Variants in LDHAL6A observed in about 807,000 individuals in gnomAD.
LDHAL6A encodes the protein L-lactate dehydrogenase A-like 6A.
A neutral mutation model predicts 28.2 loss-of-function variants in LDHAL6A; 19 were observed. The observed-to-expected ratio is 0.67, with a 90% confidence interval of 0.47 to 0.99. The LOEUF is 0.99. LDHAL6A is among the 50% of genes least tolerant of loss of function. The pLI, the probability that LDHAL6A is intolerant of heterozygous loss-of-function variation, is 0.00. For missense variants in LDHAL6A, 372 were observed against 398.6 expected, an observed-to-expected ratio of 0.93 and a Z score of 0.57; for synonymous variants, 144 against 134.4, an observed-to-expected ratio of 1.07 and a Z score of -0.49.
chr11:18,478,624 TATTC>T, intron 6 of LDHAL6A, 78 bp from the exon 7 acceptor site: 2 of 1,111,608 alleles, frequency 1.8e-6, no homozygotes, highest in Non-Finnish European at 2.7e-6. Context: ...ACCAATCTGT[TATTC>T]ATTCACCTCC....
Position 18,478,806 on chromosome 11 carries a change from A to T in LDHAL6A, c.935A>T (p.Glu312Val). The T allele has an allele frequency of 6.2e-7, 1 of 1,613,908 alleles. No individual in the cohort carries two copies. Among genetic ancestry groups the T allele is most frequent in the Non-Finnish European group, 8.5e-7 (1 of 1,179,854 alleles). ...DLIKVKLTLEEEACLQKSAET... is the reference protein window; with the variant it reads ...DLIKVKLTLEVEACLQKSAET... ...ATAAAAGTAAAACTGACTCTTGAAG[A>T]GGAGGCCTGCTTGCAAAAGAGTGCA... Residue 312 changes from glutamate (E) to valine (V), a missense_variant, in exon 7 of 7, where the codon GAG (glutamate) becomes GTG (valine). This residue lies in a region of LDHAL6A where 291 missense variants were observed against 302.9 expected (regional missense o/e 0.96). Coordinates refer to ENST00000280706, the MANE Select transcript of LDHAL6A (RefSeq NM_144972.5).
At chr11:18,471,309 A>C (rs1849253186) in intron 3 of LDHAL6A, among the ~76,000 whole-genome samples, 1 of 150,966 alleles carries the variant, frequency 6.6e-6, no homozygotes. Context: ...TCCTGGGTTC[A>C]AGTGATTCTC....
intron 1 of LDHAL6A, among the ~76,000 whole-genome samples, chr11:18,459,050 CA>C (rs111593897): frequency 0.034 from 5,145 of 152,070 alleles, 285 homozygotes; most frequent in African/African-American, 0.12. Context: ...GTTTATACCC[CA>C]CATTACACCT....
At chr11:18,468,015 ATATATATACG>A (rs1565071630) in intron 3 of LDHAL6A, among the ~76,000 whole-genome samples, 1 of 62,966 alleles carries the variant, frequency 1.6e-5, no homozygotes, top group African/African-American at 6.8e-5. Context: ...ATATATATAC[ATATATATACG>A]TATATATATA....
intron 1 of LDHAL6A, among the ~76,000 whole-genome samples, chr11:18,462,659 AAAAAAAAC>A (rs1848954733): frequency 1.5e-5 from 2 of 137,364 alleles, no homozygotes; most frequent in African/African-American, 5.3e-5. Flanking sequence ...AACAAACAAA[AAAAAAAAC>A]AAAAAAAACC....
chr11:18,462,592 A>G (rs377424221), intron 1 of LDHAL6A, among the ~76,000 whole-genome samples: 14 of 148,818 alleles, frequency 9.4e-5, no homozygotes, highest in East Asian at 7.8e-4. Context: ...AGCCGAGATC[A>G]CGCCACTGCA....
intron 3 of LDHAL6A, chr11:18,475,233 G>C (rs759997152): frequency 2.2e-5 from 9 of 409,298 alleles, no homozygotes; most frequent in African/African-American, 4.1e-5. Flanking sequence ...TCTGTGGAGT[G>C]AACATTCTGT....
chr11:18,473,344 C>T (rs1180714595), intron 3 of LDHAL6A, among the ~76,000 whole-genome samples: 1 of 152,138 alleles, frequency 6.6e-6, no homozygotes, highest in Non-Finnish European at 1.5e-5. Context: ...CAAATAAGGA[C>T]TTTGGTCTGT....
At chr11:18,474,381 C>T (rs112513839) in intron 3 of LDHAL6A, among the ~76,000 whole-genome samples, 10,227 of 146,512 alleles carry the variant, frequency 0.07, 494 homozygotes, top group Middle Eastern at 0.17. Context: ...CTGGTGATGA[C>T]GTATGTTTCT....
Position 18,456,707 on chromosome 11 carries a change from T to G in LDHAL6A, c.27T>G (p.Ile9Met), listed in dbSNP as rs1369307208. The change falls in exon 1 of 7, where the codon ATT (isoleucine) becomes ATG (methionine). Residue 9 changes from isoleucine to methionine, a missense_variant. Around this residue, in one of 3 missense-constraint regions of LDHAL6A, gnomAD observed 77 missense variants for 77.9 expected, o/e 0.99. Coordinates refer to ENST00000280706, the MANE Select transcript of LDHAL6A (RefSeq NM_144972.5). MATIKSELIKNFAEEEAIH... is the reference protein window; with the variant it reads MATIKSELMKNFAEEEAIH... ...TGGCAACTATCAAGAGTGAACTTATTAAGAATTTCGCGGAAGAGGAGGCCA... is the reference window on the plus strand; with the variant it reads ...TGGCAACTATCAAGAGTGAACTTATGAAGAATTTCGCGGAAGAGGAGGCCA... The G allele has an allele frequency of 1.9e-6, 3 of 1,614,010 alleles. No individual in the cohort carries two copies. Among genetic ancestry groups the G allele is most frequent in the African/African-American group, 2.7e-5 (2 of 75,052 alleles).
intron 1 of LDHAL6A, among the ~76,000 whole-genome samples, chr11:18,459,222 C>G (rs1395564114): frequency 6.6e-6 from 1 of 152,160 alleles, no homozygotes; most frequent in African/African-American, 2.4e-5. Flanking sequence ...ACCATCTAAT[C>G]AGCTGCCAGC....
intron 3 of LDHAL6A, among the ~76,000 whole-genome samples, chr11:18,474,062 TTAAAG>T (rs1223243566): frequency 1.3e-5 from 2 of 152,134 alleles, no homozygotes; most frequent in African/African-American, 4.8e-5. Context: ...AAGCTTCTTC[TTAAAG>T]TATTTTTCTT....
At position 18,456,781 on chromosome 11, in the gene LDHAL6A, C is replaced by CT; in HGVS notation, c.103dup (p.Cys35LeufsTer12). 6.2e-7 allele frequency: 1 copy of CT among 1,613,484 alleles called. No homozygotes were observed. Among genetic ancestry groups the CT allele is most frequent in the Non-Finnish European group, 8.5e-7 (1 of 1,179,870 alleles). ...GTAGGAACTGGATCGGTTGGTGTGGCTTGTGCTATCAGCATCTTATTAAAA... is the reference window on the plus strand; with the variant it reads ...GTAGGAACTGGATCGGTTGGTGTGGCTTTGTGCTATCAGCATCTTATTAAAA... On this transcript the variant is annotated frameshift_variant, in exon 1 of 7. Transcript: ENST00000280706. LOFTEE classifies it high-confidence loss of function.
chr11:18,465,624 A>C lies in LDHAL6A; in HGVS notation c.245-13A>C. 1 of 1,605,714 alleles carries C rather than the reference A, an allele frequency of 6.2e-7. No homozygotes were observed. The highest frequency in any genetic ancestry group is 8.5e-7 in the Non-Finnish European group (1 of 1,175,510). ...TCTTTCATAATCGATTGTTTATTCT[A>C]ATCTTTCCTCAGATTACCTGGTCAC... is the stretch of plus-strand genomic sequence containing the variant. On this transcript the variant is annotated splice_polypyrimidine_tract_variant and intron_variant, in intron 2 of 6. Coordinates refer to ENST00000280706, the MANE Select transcript of LDHAL6A (RefSeq NM_144972.5).
In LDHAL6A at chr11:18,467,918, T is replaced by TATAC. The variant is rs1480735817; in HGVS notation, c.418+2109_418+2110insTACA. 3.4e-3 allele frequency among the ~76,000 whole-genome samples: 171 copies of TATAC among 49,690 alleles called. 3 individuals are homozygous for TATAC. The highest frequency in any genetic ancestry group is 0.014 in the East Asian group (12 of 856). The allele number at this position is 49,690 out of a possible 152,430, so 32.6% of individuals were successfully genotyped here. ...ATATATATATATATATATATATATA[T>TATAC]ACACACACATATATATATACACACA... is the stretch of plus-strand genomic sequence containing the variant. On this transcript the variant is annotated intron_variant, in intron 3 of 6. Coordinates refer to ENST00000280706, the MANE Select transcript of LDHAL6A (RefSeq NM_144972.5).
rs1849024593 is a variant in LDHAL6A at position 18,464,997 on chromosome 11, G to GGTTTGT, written c.245-640_245-639insGTTTGT. ...TTTTTGTTTTTTTTTGTTTTGTTTT[G>GGTTTGT]TTTTGGTTTGTTTTTGAGACAGTGT... On this transcript the variant is annotated intron_variant, in intron 2 of 6. Transcript: ENST00000280706. Among the ~76,000 whole-genome samples, 17 of 122,928 alleles carry GGTTTGT rather than the reference G, an allele frequency of 1.4e-4. No individual in the cohort carries two copies. The South Asian group carries it at 4.4e-3, about 32-fold the overall frequency. The allele number at this position is 122,928 out of a possible 152,430, so 80.6% of individuals were successfully genotyped here.
At chr11:18,476,235 A>G (rs1849377638) in intron 4 of LDHAL6A, 149 bp from the exon 5 acceptor site, 1 of 804,466 alleles carries the variant, frequency 1.2e-6, no homozygotes, top group Non-Finnish European at 1.9e-6. Flanking sequence ...GTGGAGATCT[A>G]GATTTAGAAT....
rs570027729 is a variant in LDHAL6A, at chr11:18,458,524, C to G, written c.126+1718C>G. ...TGTATATCTTAGGAAATAGGGTACA[C>G]AATCCCCCTATAAAGCCTCAGGTTA... is the stretch of plus-strand genomic sequence containing the variant. On this transcript the variant is annotated intron_variant, in intron 1 of 6. Coordinates refer to ENST00000280706, the MANE Select transcript of LDHAL6A (RefSeq NM_144972.5). Among the ~76,000 whole-genome samples the G allele has an allele frequency of 2.6e-5, 4 of 152,324 alleles. No homozygotes were observed. The South Asian group carries it at 8.3e-4, about 32-fold the overall frequency.
chr11:18,467,818 A>G (rs1849109381), intron 3 of LDHAL6A, among the ~76,000 whole-genome samples: 1 of 144,178 alleles, frequency 6.9e-6, no homozygotes, highest in Non-Finnish European at 1.5e-5. Context: ...AGATCGCACC[A>G]CTGCACTCCA....
Sources: gnomAD v4.1 joint callset for allele counts (sites outside exome capture counted in the v4.1 genomes callset) on GRCh38, gnomAD v4.1.1 for gene constraint, gnomAD v4.1.1 regional missense constraint, MANE v1.5 for transcripts, NCBI Gene and HGNC (gene_info 2026-07-23, HGNC 2026-07-21) for gene names.